LIN52: variants seen among roughly 807,000 people sequenced by gnomAD.
LIN52 encodes the protein lin-52 DREAM MuvB core complex component, also known as protein lin-52 homolog.
A neutral mutation model predicts 18.5 loss-of-function variants in LIN52; 4 were observed. That is an observed-to-expected ratio of 0.22 (90% CI 0.11 to 0.49). LIN52 has a LOEUF of 0.49. LIN52 is among the 20% of genes least tolerant of loss of function. LIN52 has a pLI of 0.97. For missense variants in LIN52, 102 were observed against 139.5 expected (o/e 0.73, Z 1.35); for synonymous variants, 34 against 45.5 (o/e 0.75, Z 1.02).
intron 5 of LIN52, among the ~76,000 whole-genome samples, chr14:74,119,362 C>G (rs932591112): frequency 5.3e-5 from 8 of 151,896 alleles, no homozygotes; most frequent in African/African-American, 1.7e-4. Context: ...GACAGGGTTT[C>G]ACTGTGTTAG....
chr14:74,101,706 C>T (rs935231099), intron 5 of LIN52, among the ~76,000 whole-genome samples: 39 of 152,026 alleles, frequency 2.6e-4, no homozygotes, highest in Non-Finnish European at 3.2e-4. Context: ...GTGATCCGCC[C>T]GCCTCGGCCT....
intron 5 of LIN52, among the ~76,000 whole-genome samples, chr14:74,172,364 AC>A (rs2061275700): frequency 2.0e-5 from 3 of 152,156 alleles, no homozygotes; most frequent in Admixed American, 6.6e-5. Context: ...AAGTTATATA[AC>A]TTCTCTCTCT....
chr14:74,158,531 T>C lies in LIN52; in HGVS notation c.284-40391T>C, dbSNP rs370374538. Among the ~76,000 whole-genome samples, 11 of 152,222 alleles carry C rather than the reference T, an allele frequency of 7.2e-5. No individual in the cohort carries two copies. In the East Asian group the frequency reaches 1.4e-3, roughly 19 times the overall value. ...TTTGCTCTTGTTGCCCAGGCTGCAG[T>C]GCAATGGCACGATCTCAGCTCACTG... On this transcript the variant is annotated intron_variant, in intron 5 of 5. Coordinates refer to ENST00000555028, the MANE Select transcript of LIN52 (RefSeq NM_001024674.3).
At chr14:74,095,815 A>G (rs1166507503) in intron 2 of LIN52, 133 bp from the exon 3 acceptor site, 1 of 582,876 alleles carries the variant, frequency 1.7e-6, no homozygotes, top group Non-Finnish European at 2.9e-6. Flanking sequence ...AAACAGTGTT[A>G]TAGTTATTGG....
intron 5 of LIN52, among the ~76,000 whole-genome samples, chr14:74,161,982 C>T (rs1049663324): frequency 6.6e-6 from 1 of 152,096 alleles, no homozygotes; most frequent in South Asian, 2.1e-4. Context: ...GGTCCAACTC[C>T]AGTATCACAA....
intron 5 of LIN52, among the ~76,000 whole-genome samples, chr14:74,176,523 A>G (rs911260957): frequency 1.3e-5 from 2 of 152,204 alleles, no homozygotes; most frequent in Non-Finnish European, 2.9e-5. Context: ...AGTATGTACT[A>G]TACATAATTG....
chr14:74,148,709 C>A (rs545718373), intron 5 of LIN52, among the ~76,000 whole-genome samples: 6 of 152,022 alleles, frequency 3.9e-5, no homozygotes, highest in African/African-American at 1.2e-4. Flanking sequence ...ATTCATTTCC[C>A]TTGTTAGTAT....
At chr14:74,144,084 A>G (rs1017043190) in intron 5 of LIN52, among the ~76,000 whole-genome samples, 8 of 150,946 alleles carry the variant, frequency 5.3e-5, no homozygotes, top group African/African-American at 2.0e-4. Context: ...GATGCCCTCC[A>G]GTTTCAACCA....
Position 74,193,515 on chromosome 14 carries a change from A to G in LIN52, c.284-5407A>G, listed in dbSNP as rs76961989. Among the ~76,000 whole-genome samples the G allele has an allele frequency of 6.9e-3, 1,055 of 152,306 alleles. 15 individuals are homozygous for G. The highest frequency in any genetic ancestry group is 0.024 in the African/African-American group (1,015 of 41,562). Reference sequence around the variant, plus strand: ...CCAACCAGTTTTTAAACTCTTGTACATAGCTGTTACATGTAGGGCAATATG... The same window carrying G: ...CCAACCAGTTTTTAAACTCTTGTACGTAGCTGTTACATGTAGGGCAATATG... On this transcript the variant is annotated intron_variant, in intron 5 of 5. Coordinates refer to ENST00000555028, the MANE Select transcript of LIN52 (RefSeq NM_001024674.3).
chr14:74,094,003 C>T (rs7141652), intron 2 of LIN52, among the ~76,000 whole-genome samples: 26,007 of 150,054 alleles, frequency 0.17, 2,754 homozygotes, highest in East Asian at 0.58. Context: ...AAAAAAGGTA[C>T]AAATCCTTTT....
chr14:74,115,207 T>C (rs531338353), intron 5 of LIN52, among the ~76,000 whole-genome samples: 97 of 152,214 alleles, frequency 6.4e-4, no homozygotes, highest in Non-Finnish European at 1.2e-3. Context: ...GGGAAACAGA[T>C]TGCCAAATTA....
chr14:74,160,523 G>A (rs943748258), intron 5 of LIN52, among the ~76,000 whole-genome samples: 1 of 152,070 alleles, frequency 6.6e-6, no homozygotes, highest in Non-Finnish European at 1.5e-5. Context: ...TGATCATTAG[G>A]TGAAAATTAC....
intron 5 of LIN52, among the ~76,000 whole-genome samples, chr14:74,163,981 G>C (rs2061237471): frequency 1.5e-5 from 2 of 131,862 alleles, no homozygotes; most frequent in Non-Finnish European, 3.4e-5. Flanking sequence ...GGTCTGTACT[G>C]AAATTTTTTT....
At chr14:74,139,103 G>T (rs1196462852) in intron 5 of LIN52, among the ~76,000 whole-genome samples, 1 of 151,990 alleles carries the variant, frequency 6.6e-6, no homozygotes, top group African/African-American at 2.4e-5. Context: ...GCAAGAAGGT[G>T]GGGTAGGAAT....
At chr14:74,140,561 T>A (rs1364347611) in intron 5 of LIN52, among the ~76,000 whole-genome samples, 1 of 152,170 alleles carries the variant, frequency 6.6e-6, no homozygotes, top group Non-Finnish European at 1.5e-5. Flanking sequence ...CAGGAAGTAC[T>A]GATTAAACCT....
intron 5 of LIN52, among the ~76,000 whole-genome samples, chr14:74,146,545 T>C (rs1359467869): frequency 2.0e-5 from 3 of 152,154 alleles, no homozygotes; most frequent in South Asian, 4.1e-4. Context: ...CTTTCATGCC[T>C]TCATAGTAGA....
chr14:74,165,451 C>CT (rs1463646741), intron 5 of LIN52, among the ~76,000 whole-genome samples: 1 of 149,570 alleles, frequency 6.7e-6, no homozygotes, highest in Non-Finnish European at 1.5e-5. Flanking sequence ...AAAGAATCAG[C>CT]TAAACAGAGT....
intron 5 of LIN52, among the ~76,000 whole-genome samples, chr14:74,181,306 C>T (rs980650990): frequency 2.0e-5 from 3 of 151,174 alleles, no homozygotes; most frequent in African/African-American, 7.3e-5. Context: ...GAAAAAAAGC[C>T]GGTCCAGGCA....
At chr14:74,183,972 T>C (rs1458094213) in intron 5 of LIN52, among the ~76,000 whole-genome samples, 1 of 152,232 alleles carries the variant, frequency 6.6e-6, no homozygotes, top group Non-Finnish European at 1.5e-5. Context: ...ACAAGGTCTG[T>C]ACATTGCATT....
Sources: allele counts gnomAD v4.1 joint callset (sites outside exome capture counted in the v4.1 genomes callset), GRCh38; gene constraint gnomAD v4.1.1; transcripts MANE v1.5; gene names NCBI Gene and HGNC (gene_info 2026-07-23, HGNC 2026-07-21).